Variants in MKNK2 observed in about 807,000 individuals in gnomAD.
MKNK2 encodes the protein MAPK interacting serine/threonine kinase 2, also known as MAP kinase-interacting serine/threonine-protein kinase 2.
MKNK2 carries 54 observed loss-of-function variants against 55.0 expected under a neutral mutation model. That is an observed-to-expected ratio of 0.98 (90% confidence interval 0.79 to 1.23). The LOEUF (loss-of-function observed/expected upper bound fraction) is 1.23, where lower values mean the gene tolerates loss of function less well. MKNK2 is among the 50% of genes most tolerant of loss of function. The probability of loss-of-function intolerance (pLI) is 0.00; values close to 1 mark genes in which losing one functional copy is unlikely to be tolerated. For synonymous variants in MKNK2, 323 were observed against 256.0 expected, an observed-to-expected ratio of 1.26 and a Z score of -2.50; for missense variants, 685 against 632.1, an observed-to-expected ratio of 1.08 and a Z score of -0.90.
chr19:2,049,876 G>C (rs1297225591), intron 2 of MKNK2, among the ~76,000 whole-genome samples: 1 of 152,112 alleles, frequency 6.6e-6, no homozygotes, highest in Non-Finnish European at 1.5e-5. Context: ...TCCCACCCTG[G>C]AGCACCGCGT....
Position 2,039,745 on chromosome 19 carries a change from G to A in MKNK2, c.1266C>T (p.Gly422=), listed in dbSNP as rs1164649242. The stretch of plus-strand genomic sequence containing the variant: ...AGGTAGCTCGGACCAGGACGGGCTG[G>A]CCCTGCCCCGCGGCCTCCTCCTCAG... The part of the protein sequence containing the change: ...DLAEEEAAGQ[G]QPVLVRATSR... The change falls in exon 14 of 14, where the codon GGC becomes GGT. Residue 422 remains glycine (G), a synonymous_variant. Coordinates refer to ENST00000250896, the MANE Select transcript of MKNK2 (RefSeq NM_199054.3). The A allele has an allele frequency of 2.5e-6, 4 of 1,609,124 alleles. No individual in the cohort carries two copies. The highest frequency in any genetic ancestry group is 1.7e-4 in the Middle Eastern group (1 of 5,976).
Position 2,039,589 on chromosome 19 carries a change from A to C in MKNK2, c.*24T>G, listed in dbSNP as rs1444267541. 1 of 1,599,816 alleles carries C rather than the reference A, an allele frequency of 6.3e-7. No individual in the cohort carries two copies. The highest frequency in any genetic ancestry group is 8.5e-7 in the Non-Finnish European group (1 of 1,172,494). ...GATTTGATTGGGGGACGGGTGACCT[A>C]TGTACAGAGGGGAGATGGGAGGGTC... is the stretch of plus-strand genomic sequence containing the variant. On this transcript the variant is annotated 3_prime_UTR_variant, in exon 14 of 14. Transcript: ENST00000250896.
rs1018089699 is a variant in MKNK2, at chr19:2,038,454, G to A, written c.*1159C>T. 4.1e-6 allele frequency: 4 copies of A among 985,148 alleles called. No homozygotes were observed. Among genetic ancestry groups the A allele is most frequent in the Non-Finnish European group, 4.8e-6 (4 of 829,700 alleles). The allele number at this position is 985,148 out of a possible 1,614,324, so 61.0% of individuals were successfully genotyped here. A position where few individuals can be genotyped will look rare whatever the true frequency, so the allele number is the denominator to read the frequency against. On this transcript the variant is annotated 3_prime_UTR_variant, in exon 14 of 14. Transcript: ENST00000250896. Reference sequence around the variant, plus strand: ...CGGGGAGGGGGCAGCAGGCTCCGCAGCCCCCGGGGGTTGGAGCATGGAGGG... The same window carrying A: ...CGGGGAGGGGGCAGCAGGCTCCGCAACCCCCGGGGGTTGGAGCATGGAGGG...
chr19:2,037,784 G>A lies in MKNK2; in HGVS notation c.*1829C>T, dbSNP rs8106804. Reference sequence around the variant, plus strand: ...TTCTGACCAGTCCTCCAGGTCGCACGTGGATGCGACAGGGGTGGGGAGGGA... The same window carrying A: ...TTCTGACCAGTCCTCCAGGTCGCACATGGATGCGACAGGGGTGGGGAGGGA... On this transcript the variant is annotated 3_prime_UTR_variant, in exon 14 of 14. Coordinates refer to ENST00000250896, the MANE Select transcript of MKNK2 (RefSeq NM_199054.3). 17,551 of 1,607,324 alleles carry A rather than the reference G, an allele frequency of 0.011. 131 individuals carry two copies. Among genetic ancestry groups the A allele is most frequent in the Non-Finnish European group, 0.013 (15,332 of 1,176,404 alleles).
intron 2 of MKNK2, among the ~76,000 whole-genome samples, chr19:2,047,126 G>A (rs781571309): frequency 6.6e-6 from 1 of 152,184 alleles, no homozygotes; most frequent in Non-Finnish European, 1.5e-5. Context: ...CCTCAGCAAG[G>A]CAAGATCAGG....
chr19:2,037,623 CTT>C lies in MKNK2; in HGVS notation c.*1988_*1989del. On this transcript the variant is annotated 3_prime_UTR_variant, in exon 14 of 14. Transcript: ENST00000250896. ...ATGTTTTTCCCCCACTTTAAAAAAA[CTT>C]TTGAGGTTTTTTTTTTTTTTTTGTC... 1 of 812,652 alleles carries C rather than the reference CTT, an allele frequency of 1.2e-6. No homozygotes were observed. Among genetic ancestry groups the C allele is most frequent in the Non-Finnish European group, 1.7e-6 (1 of 581,272 alleles). The allele number at this position is 812,652 out of a possible 1,614,324, so 50.3% of individuals were successfully genotyped here.
Position 2,039,839 on chromosome 19 carries a change from T to A in MKNK2, c.1172A>T (p.Asp391Val). The change falls in exon 14 of 14, where the codon GAC becomes GTC. Residue 391 changes from aspartate to valine, a missense_variant. Asp to Val is a radical substitution (Grantham distance 152, BLOSUM62 -3). Transcript: ENST00000250896. ...GGCCTCAGCCGCGAAGGACGTGAGG[T>A]CTTTGGCACAGCTGTTCCTGGGAAA... Reference protein sequence around the residue: ...MVLQRNSCAKDLTSFAAEAIA... With the variant: ...MVLQRNSCAKVLTSFAAEAIA... 1 of 1,596,488 alleles carries A rather than the reference T, an allele frequency of 6.3e-7. No individual in the cohort carries two copies.
chr19:2,046,560 C>A (rs749688770), intron 3 of MKNK2, 44 bp downstream of exon 3: 2 of 1,550,856 alleles, frequency 1.3e-6, no homozygotes, highest in African/African-American at 1.4e-5. Flanking sequence ...GCCATGGCAG[C>A]GACAGCAGCT....
intron 11 of MKNK2, among the ~76,000 whole-genome samples, chr19:2,041,463 G>A (rs1302899647): frequency 6.6e-6 from 1 of 152,120 alleles, no homozygotes; most frequent in Non-Finnish European, 1.5e-5. Flanking sequence ...CGCGGGCAGG[G>A]AGCCTGAGCC....
At chr19:2,046,825 T>C in intron 2 of MKNK2, 134 bp from the exon 3 acceptor site, 4 of 650,556 alleles carry the variant, frequency 6.1e-6, no homozygotes, top group African/African-American at 1.9e-5. Context: ...ATCAACTCCG[T>C]CCCCGCTCAC....
At chr19:2,039,928 C>T in intron 13 of MKNK2, 72 bp from the exon 14 acceptor site, 2 of 1,524,494 alleles carry the variant, frequency 1.3e-6, no homozygotes, top group Non-Finnish European at 1.8e-6. Context: ...CTGTGAAGGC[C>T]CTGGGGGAAG....
At chr19:2,041,264 G>A (rs930828389) in intron 11 of MKNK2, 60 bp from the exon 12 acceptor site, 8 of 1,548,704 alleles carry the variant, frequency 5.2e-6, no homozygotes, top group Non-Finnish European at 6.1e-6. Context: ...ACTGTGCACT[G>A]ACACGTGGCT....
chr19:2,048,799 G>C lies in MKNK2; in HGVS notation c.51+2002C>G, dbSNP rs544577611. On this transcript the variant is annotated intron_variant, in intron 2 of 13. Transcript: ENST00000250896. ...CTGCTGGGGGAGGAGGGAAGGAAGG[G>C]GGGGGCTCCAACTAGCCCCCATGGG... Among the ~76,000 whole-genome samples the C allele has an allele frequency of 5.1e-4, 77 of 152,192 alleles. 1 individual carries two copies. The highest frequency in any genetic ancestry group is 1.7e-3 in the African/African-American group (69 of 41,540).
In MKNK2 at chr19:2,042,648, C is replaced by G; in HGVS notation, c.613G>C (p.Asp205His). The G allele has an allele frequency of 6.4e-7, 1 of 1,562,654 alleles. No homozygotes were observed. Among genetic ancestry groups the G allele is most frequent in the African/African-American group, 1.3e-5 (1 of 74,086 alleles). ...CAGAGGATGTTTTCCGGCTTTAGGT[C>G]CCTGTGGGCGATGCCTGGGGGAGAA... The part of the protein sequence containing the change: ...FLHNKGIAHR[D>H]LKPENILCEH... The change falls in exon 9 of 14, where the codon GAC becomes CAC. Residue 205 changes from aspartate (D) to histidine (H), a missense_variant. Physicochemically the swap from Asp to His is moderately conservative, Grantham distance 81. Transcript: ENST00000250896.
chr19:2,051,093 C>A lies in MKNK2; in HGVS notation c.-97+3G>T. 1 of 257,752 alleles carries A rather than the reference C, an allele frequency of 3.9e-6. No homozygotes were observed. The highest frequency in any genetic ancestry group is 1.4e-4 in the South Asian group (1 of 6,996). The allele number at this position is 257,752 out of a possible 1,614,324, so 16.0% of individuals were successfully genotyped here. A position where few individuals can be genotyped will look rare whatever the true frequency, so the allele number is the denominator to read the frequency against. ...TCGGGGCCGCCCTGGGGTTCGCACT[C>A]ACCGGGGTCGGGCTTGGGCCGGGGC... On this transcript the variant is annotated splice_donor_region_variant and intron_variant, in intron 1 of 13. Transcript: ENST00000250896.
intron 7 of MKNK2, 25 bp downstream of exon 7, chr19:2,043,099 C>T: frequency 2.5e-6 from 4 of 1,598,368 alleles, no homozygotes; most frequent in South Asian, 2.2e-5. Flanking sequence ...TCCCTCCCTC[C>T]TCACAGCCTG....
chr19:2,041,347 C>G, intron 11 of MKNK2, 143 bp from the exon 12 acceptor site: 1 of 806,620 alleles, frequency 1.2e-6, no homozygotes, highest in Non-Finnish European at 1.9e-6. Flanking sequence ...GGCTGGGAGC[C>G]GGACCAGGAG....
intron 2 of MKNK2, among the ~76,000 whole-genome samples, chr19:2,047,168 T>A (rs1337523953): frequency 5.3e-5 from 8 of 152,076 alleles, no homozygotes; most frequent in African/African-American, 7.2e-5. Flanking sequence ...GTCCATGGAA[T>A]TTGCCAACCC....
At chr19:2,043,434 T>TG (rs1293247024) in intron 6 of MKNK2, 69 bp downstream of exon 6, 7 of 1,418,322 alleles carry the variant, frequency 4.9e-6, no homozygotes, top group Non-Finnish European at 7.0e-6. Context: ...GGGGGTGATG[T>TG]GGCACTCAGG....
Sources: allele counts gnomAD v4.1 joint callset (sites outside exome capture counted in the v4.1 genomes callset), GRCh38; gene constraint gnomAD v4.1.1; transcripts MANE v1.5; gene names NCBI Gene and HGNC (gene_info 2026-07-23, HGNC 2026-07-21).